The following METTL21A variants were observed in gnomAD, a reference collection of about 807,000 sequenced individuals.
The protein encoded by METTL21A is protein N-lysine methyltransferase METTL21A.
METTL21A carries 22 observed loss-of-function variants against 20.9 expected under a neutral mutation model. The ratio of observed to expected loss-of-function variants is 1.05; its 90% CI spans 0.75 to 1.50. The LOEUF (loss-of-function observed/expected upper bound fraction) is 1.50, where lower values mean the gene tolerates loss of function less well. Ranked by LOEUF, METTL21A falls within the 40% of genes most tolerant of loss-of-function variation. The pLI is 0.00. For missense variants in METTL21A, 271 were observed against 266.8 expected (o/e 1.02, Z -0.11); for synonymous variants, 93 against 102.0 (o/e 0.91, Z 0.53).
chr2:207,612,849 G>C, exon 4 of METTL21A: 1 of 525,172 alleles, frequency 1.9e-6, no homozygotes, highest in Non-Finnish European at 3.3e-6. Context: ...ATTTCAGACT[G>C]AGTAAAGTCT....
intron 3 of METTL21A, chr2:207,596,848 AAG>A (rs2086274808): frequency 6.4e-7 from 1 of 1,562,004 alleles, no homozygotes; most frequent in Admixed American, 2.2e-5. Context: ...AGAAAAAAAA[AAG>A]GTAATCCAAA....
intron 3 of METTL21A, among the ~76,000 whole-genome samples, chr2:207,615,375 G>C (rs1045875279): frequency 6.6e-6 from 1 of 151,784 alleles, no homozygotes; most frequent in African/African-American, 2.4e-5. Context: ...AGGATCACTG[G>C]AGCCCAGGAG....
intron 2 of METTL21A, among the ~76,000 whole-genome samples, chr2:207,622,394 C>T (rs2090603524): frequency 6.6e-6 from 1 of 152,096 alleles, no homozygotes; most frequent in Non-Finnish European, 1.5e-5. Flanking sequence ...TGGTCTTGAA[C>T]TCCTGAGCTC....
chr2:207,623,414 G>A (rs1422177286), intron 2 of METTL21A, among the ~76,000 whole-genome samples: 1 of 152,216 alleles, frequency 6.6e-6, no homozygotes, highest in African/African-American at 2.4e-5. Flanking sequence ...GCTAGATGCT[G>A]AGGGCTCAAG....
At chr2:207,591,171 G>A (rs1325859658) in intron 3 of METTL21A, among the ~76,000 whole-genome samples, 1 of 151,994 alleles carries the variant, frequency 6.6e-6, no homozygotes, top group Non-Finnish European at 1.5e-5. Flanking sequence ...TACTTATTCT[G>A]TCATCTCTGA....
rs766474143 is a variant in METTL21A at position 207,613,336 on chromosome 2, G to C, written c.367C>G (p.Leu123Val). The stretch of plus-strand genomic sequence containing the variant: ...CTCCCCAAATTTTGTCCCCAAGTCA[G>C]CTCCTTAACAACAGTTTTAGTTTGG... The change falls in exon 4 of 4, where the codon CTG (leucine) becomes GTG (valine). Residue 123 changes from leucine (L) to valine (V), a missense_variant. Physicochemically the swap from Leu to Val is conservative, Grantham distance 32. Coordinates refer to ENST00000406927, the Ensembl canonical transcript of METTL21A. The C allele has an allele frequency of 1.9e-6, 3 of 1,614,040 alleles. No individual in the cohort carries two copies. Among genetic ancestry groups the C allele is most frequent in the Non-Finnish European group, 2.5e-6 (3 of 1,179,998 alleles).
chr2:207,619,035 C>T (rs1163434614), intron 3 of METTL21A, among the ~76,000 whole-genome samples: 1 of 152,092 alleles, frequency 6.6e-6, no homozygotes, highest in Non-Finnish European at 1.5e-5. Context: ...TAGGTAAGGC[C>T]TACTTACCAT....
chr2:207,598,772 A>T (rs2086587661), intron 3 of METTL21A: 1 of 167,162 alleles, frequency 6.0e-6, no homozygotes, highest in Non-Finnish European at 1.3e-5. Flanking sequence ...GCTTGAACCC[A>T]GGAGGCAGAG....
chr2:207,600,551 G>A, intron 3 of METTL21A: 1 of 211,160 alleles, frequency 4.7e-6, no homozygotes, highest in Non-Finnish European at 9.6e-6. Context: ...TTTGTCTGTG[G>A]CAGCTATAAC....
intron 3 of METTL21A, chr2:207,582,725 C>A: frequency 5.5e-6 from 1 of 183,112 alleles, no homozygotes; most frequent in Non-Finnish European, 1.2e-5. Context: ...GAAACCCTCT[C>A]TCTACTAAAA....
downstream of METTL21A, chr2:207,580,960 G>A (rs989550777): frequency 7.4e-5 from 16 of 216,870 alleles, no homozygotes; most frequent in African/African-American, 3.2e-4. Context: ...GCACAGGCAA[G>A]GACAAGCCCA....
At chr2:207,620,533 G>C in intron 3 of METTL21A, 1 of 638,442 alleles carries the variant, frequency 1.6e-6, no homozygotes, top group South Asian at 3.7e-5. Context: ...CAGATCTCCA[G>C]TGATCAGGAC....
chr2:207,602,781 T>A (rs903919783), intron 3 of METTL21A: 4 of 209,520 alleles, frequency 1.9e-5, no homozygotes, highest in Non-Finnish European at 3.9e-5. Flanking sequence ...ATTGTCAACA[T>A]TTTTTTTGAG....
exon 2 of METTL21A, chr2:207,624,348 T>G: frequency 6.2e-7 from 1 of 1,613,936 alleles, no homozygotes; most frequent in Non-Finnish European, 8.5e-7. Context: ...CCAAATTCCG[T>G]GGTCTCCTCA....
chr2:207,581,160 C>G (rs1244885095), downstream of METTL21A, among the ~76,000 whole-genome samples: 1 of 152,002 alleles, frequency 6.6e-6, no homozygotes, highest in Non-Finnish European at 1.5e-5. Flanking sequence ...ACTATAAACC[C>G]CCTATTTAGG....
At chr2:207,608,155 C>T (rs1464848122), downstream of METTL21A, among the ~76,000 whole-genome samples, 2 of 152,140 alleles carry the variant, frequency 1.3e-5, no homozygotes, top group African/African-American at 4.8e-5. Context: ...TATGGCCTAA[C>T]TGCAGGACCA....
intron 2 of METTL21A, among the ~76,000 whole-genome samples, chr2:207,623,518 C>T (rs1244041241): frequency 6.6e-6 from 1 of 152,144 alleles, no homozygotes; most frequent in African/African-American, 2.4e-5. Flanking sequence ...ACATAATCTC[C>T]ATTTTGGGCT....
At chr2:207,603,068 A>G (rs1235679100) in intron 3 of METTL21A, 1 of 211,852 alleles carries the variant, frequency 4.7e-6, no homozygotes. Context: ...TTTAACTCTG[A>G]TGTTTCTATT....
At chr2:207,604,593 T>A (rs2087751758), downstream of METTL21A, among the ~76,000 whole-genome samples, 1 of 152,232 alleles carries the variant, frequency 6.6e-6, no homozygotes, top group African/African-American at 2.4e-5. Context: ...TTATCCTTGT[T>A]TTTAATTAAG....
Sources: allele counts gnomAD v4.1 joint callset (sites outside exome capture counted in the v4.1 genomes callset), GRCh38; gene constraint gnomAD v4.1.1; transcripts MANE v1.5; gene names NCBI Gene and HGNC (gene_info 2026-07-23, HGNC 2026-07-21).